The following MACROH2A1 variants were observed in gnomAD, a reference collection of about 807,000 sequenced individuals.
MACROH2A1 encodes the protein core histone macro-H2A.1.
A neutral mutation model predicts 31.6 loss-of-function variants in MACROH2A1; 2 were observed. The ratio of observed to expected loss-of-function variants is 0.06; its 90% CI spans 0.03 to 0.20. The LOEUF (loss-of-function observed/expected upper bound fraction) is 0.20. Ranked by LOEUF, MACROH2A1 falls within the 10% of genes least tolerant of loss-of-function variation. The pLI is 1.00. For missense variants in MACROH2A1, 230 were observed against 474.0 expected, an observed-to-expected ratio of 0.49 and a Z score of 4.78; for synonymous variants, 169 against 189.6, an observed-to-expected ratio of 0.89 and a Z score of 0.89.
chr5:135,384,357 G>A (rs1288716592), intron 2 of MACROH2A1, among the ~76,000 whole-genome samples: 1 of 152,208 alleles, frequency 6.6e-6, no homozygotes, highest in Admixed American at 6.5e-5. Context: ...CACTTTGTTA[G>A]CCAAAACCAG....
intron 6 of MACROH2A1, chr5:135,350,832 C>T (rs1349942530): frequency 1.1e-5 from 18 of 1,608,788 alleles, no homozygotes; most frequent in Non-Finnish European, 1.4e-5. Flanking sequence ...CCTACTTCAC[C>T]ACCGATGTAG....
At chr5:135,354,913 C>T in intron 5 of MACROH2A1, 2 of 369,738 alleles carry the variant, frequency 5.4e-6, no homozygotes, top group Non-Finnish European at 5.3e-6. Flanking sequence ...GTGAGGAAGG[C>T]AGGCAAAGGA....
intron 1 of MACROH2A1, among the ~76,000 whole-genome samples, chr5:135,390,112 C>T (rs1767007012): frequency 6.6e-6 from 1 of 152,222 alleles, no homozygotes; most frequent in Non-Finnish European, 1.5e-5. Flanking sequence ...CACAAGGTTC[C>T]CCCCAAATAC....
intron 5 of MACROH2A1, chr5:135,358,694 C>A (rs114384893): frequency 0.015 from 13,903 of 935,698 alleles, 121 homozygotes; most frequent in Middle Eastern, 0.018. Context: ...TTAAAAATAA[C>A]ATTAAATGAT....
At chr5:135,340,121 C>T (rs1164317188) in intron 8 of MACROH2A1, among the ~76,000 whole-genome samples, 3 of 152,082 alleles carry the variant, frequency 2.0e-5, no homozygotes, top group Non-Finnish European at 2.9e-5. Context: ...GTCTGGCTGA[C>T]CAATGGAGAT....
chr5:135,373,248 C>T (rs1338324606), intron 2 of MACROH2A1, among the ~76,000 whole-genome samples: 3 of 152,074 alleles, frequency 2.0e-5, no homozygotes, highest in Non-Finnish European at 4.4e-5. Context: ...TTCTGCAGTG[C>T]TGCCTTCACT....
chr5:135,375,396 G>A (rs975453349), intron 2 of MACROH2A1, among the ~76,000 whole-genome samples: 5 of 152,236 alleles, frequency 3.3e-5, no homozygotes, highest in Admixed American at 6.5e-5. Context: ...CAGACCAGCC[G>A]TCTGAACATG....
chr5:135,356,785 C>A (rs1762227005), intron 5 of MACROH2A1: 1 of 152,162 alleles, frequency 6.6e-6, no homozygotes, highest in Non-Finnish European at 1.5e-5. Context: ...GGAAATAGTA[C>A]ATTCCTTCTT....
intron 1 of MACROH2A1, among the ~76,000 whole-genome samples, chr5:135,397,898 A>G (rs2150008921): frequency 6.6e-6 from 1 of 152,282 alleles, no homozygotes; most frequent in South Asian, 2.1e-4. Flanking sequence ...CTTTGGAACA[A>G]AACACTTCCC....
At chr5:135,393,180 T>C (rs1767490553) in intron 1 of MACROH2A1, among the ~76,000 whole-genome samples, 1 of 152,162 alleles carries the variant, frequency 6.6e-6, no homozygotes. Flanking sequence ...ATCTTGTTAC[T>C]CTCACATCTT....
chr5:135,397,565 T>G (rs1430770753), intron 1 of MACROH2A1, among the ~76,000 whole-genome samples: 1 of 152,230 alleles, frequency 6.6e-6, no homozygotes, highest in East Asian at 1.9e-4. Flanking sequence ...TCTCTCCTTG[T>G]AAAACTAGAA....
intron 8 of MACROH2A1, chr5:135,337,880 G>A (rs189965854): frequency 3.1e-6 from 3 of 982,114 alleles, no homozygotes; most frequent in Admixed American, 4.9e-5. Context: ...CATGAATCTG[G>A]ATTTGTTTCC....
chr5:135,343,239 G>GT (rs763144629), intron 8 of MACROH2A1, 21 bp downstream of exon 8: 168 of 1,613,202 alleles, frequency 1.0e-4, no homozygotes, highest in Middle Eastern at 3.3e-4. Context: ...TGACCGATAC[G>GT]TAACAAGCAT....
chr5:135,367,506 A>G (rs1763657300), intron 4 of MACROH2A1, among the ~76,000 whole-genome samples: 1 of 152,256 alleles, frequency 6.6e-6, no homozygotes, highest in African/African-American at 2.4e-5. Context: ...CCAAAAAGTA[A>G]GATGAATTCC....
At chr5:135,372,755 AC>A (rs1340597219) in intron 2 of MACROH2A1, among the ~76,000 whole-genome samples, 33 of 152,352 alleles carry the variant, frequency 2.2e-4, no homozygotes, top group African/African-American at 7.7e-4. Flanking sequence ...GAGCAATGGA[AC>A]ATGAAGGAGA....
At chr5:135,399,591 C>T (rs957376608), upstream of MACROH2A1, 1 of 152,212 alleles carries the variant, frequency 6.6e-6, no homozygotes, top group Non-Finnish European at 1.5e-5. This position sits in a 1 kb window ranked among gnomAD's most constrained non-coding sequence, Gnocchi z 4.5. Flanking sequence ...GGAACCTTCC[C>T]ACTAACCCAG....
At chr5:135,352,025 C>A (rs1034973702) in intron 6 of MACROH2A1, among the ~76,000 whole-genome samples, 1 of 151,926 alleles carries the variant, frequency 6.6e-6, no homozygotes, top group South Asian at 2.1e-4. Flanking sequence ...GCACCCAGTT[C>A]GTGTGGGTCA....
chr5:135,386,580 T>A (rs1311024465), intron 2 of MACROH2A1, among the ~76,000 whole-genome samples: 1 of 152,242 alleles, frequency 6.6e-6, no homozygotes, highest in Non-Finnish European at 1.5e-5. Context: ...TATGCCCTGC[T>A]GTGACCTCTC....
At chr5:135,351,754 G>A (rs1761603374) in intron 6 of MACROH2A1, among the ~76,000 whole-genome samples, 1 of 150,714 alleles carries the variant, frequency 6.6e-6, no homozygotes, top group Non-Finnish European at 1.5e-5. Flanking sequence ...GTAGAGATGA[G>A]GTCTCACTAT....
Sources: gnomAD v4.1 joint callset for allele counts (sites outside exome capture counted in the v4.1 genomes callset) on GRCh38, gnomAD v4.1.1 for gene constraint, Gnocchi (gnomAD v3.1) non-coding constraint, MANE v1.5 for transcripts, NCBI Gene and HGNC (gene_info 2026-07-23, HGNC 2026-07-21) for gene names.